Variants in CHD1 observed in about 807,000 individuals in gnomAD.
CHD1 encodes the protein ATP-dependent chromatin remodeler CHD1.
In CHD1, 36 loss-of-function variants were observed where a neutral mutation model predicts 224.2. The ratio of observed to expected loss-of-function variants is 0.16; its 90% confidence interval spans 0.12 to 0.21. CHD1 has a LOEUF of 0.21. Ranked by LOEUF, CHD1 falls within the 10% of genes least tolerant of loss-of-function variation. The pLI, the probability that CHD1 is intolerant of heterozygous loss-of-function variation, is 1.00. For missense variants in CHD1, 1,378 were observed against 1,994.8 expected, an observed-to-expected ratio of 0.69 and a Z score of 5.89; for synonymous variants, 668 against 658.3, an observed-to-expected ratio of 1.01 and a Z score of -0.23.
intron 7 of CHD1, among the ~76,000 whole-genome samples, chr5:98,900,241 C>T (rs1751608747): frequency 6.8e-6 from 1 of 147,192 alleles, no homozygotes; most frequent in Non-Finnish European, 1.5e-5. Context: ...GAGACCGTGC[C>T]ACTGCACTCC....
Position 98,879,532 on chromosome 5 carries a change from C to A in CHD1, c.3237+20G>T. On this transcript the variant is annotated intron_variant, in intron 23 of 35. Coordinates refer to ENST00000614616, the MANE Select transcript of CHD1 (RefSeq NM_001270.4). ...GAATACTCTTACTTTATAGAAATAT[C>A]TTTAAAATTGCAAAATCACCTGTTT... 6.3e-7 allele frequency: 1 copy of A among 1,576,588 alleles called. No homozygotes were observed. The highest frequency in any genetic ancestry group is 8.6e-7 in the Non-Finnish European group (1 of 1,169,164).
chr5:98,865,687 C>T (rs767103125), intron 31 of CHD1, among the ~76,000 whole-genome samples: 3 of 152,096 alleles, frequency 2.0e-5, no homozygotes, highest in Non-Finnish European at 4.4e-5. Context: ...TAGAGAGTGA[C>T]GACCTAGAAA....
chr5:98,911,146 A>AAAATATATATATATAT (rs1491111295), intron 2 of CHD1, among the ~76,000 whole-genome samples: 2 of 39,124 alleles, frequency 5.1e-5, no homozygotes, highest in African/African-American at 2.4e-4. Context: ...AAAAAAAAAA[A>AAAATATATATATATAT]ATATATATAT....
chr5:98,870,104 A>G lies in CHD1; in HGVS notation c.3979-222T>C, dbSNP rs530083779. ...ATACTAGCCATTATTATTCCTTTAA[A>G]AAAAGGATCAGAGAGAAGTAGAAAC... On this transcript the variant is annotated intron_variant, in intron 29 of 35. Transcript: ENST00000614616. Among the ~76,000 whole-genome samples the G allele has an allele frequency of 1.1e-4, 17 of 152,326 alleles. No individual in the cohort carries two copies. The East Asian group carries it at 1.7e-3, about 16-fold the overall frequency.
In CHD1 at chr5:98,869,738, T is replaced by C. The variant is rs571383176; in HGVS notation, c.4107+16A>G. 1 of 1,612,144 alleles carries C rather than the reference T, an allele frequency of 6.2e-7. No homozygotes were observed. Among genetic ancestry groups the C allele is most frequent in the East Asian group, 2.2e-5 (1 of 44,808 alleles). On this transcript the variant is annotated intron_variant, in intron 30 of 35. Coordinates refer to ENST00000614616, the MANE Select transcript of CHD1 (RefSeq NM_001270.4). ...CTTTCCATAGAAAAGGTTGTTGTTC[T>C]AAAACACATTCTTACTTTATCATCA...
chr5:98,864,545 A>T (rs1748717446), intron 31 of CHD1, among the ~76,000 whole-genome samples: 2 of 143,346 alleles, frequency 1.4e-5, no homozygotes, highest in Admixed American at 7.0e-5. Context: ...AAAAAAAAAA[A>T]TTAGCCAAGC....
intron 2 of CHD1, among the ~76,000 whole-genome samples, chr5:98,913,922 AGTT>A (rs1375437136): frequency 1.3e-5 from 2 of 151,782 alleles, no homozygotes; most frequent in African/African-American, 2.4e-5. Flanking sequence ...TGAGAGTAGT[AGTT>A]TTTTTTTTAA....
intron 2 of CHD1, among the ~76,000 whole-genome samples, chr5:98,911,734 A>G (rs1752436851): frequency 6.6e-6 from 1 of 152,222 alleles, no homozygotes; most frequent in Non-Finnish European, 1.5e-5. Flanking sequence ...GGATCTAATG[A>G]TAAGTGAATA....
intron 33 of CHD1, among the ~76,000 whole-genome samples, chr5:98,859,561 C>CTGATA (rs1281089402): frequency 6.6e-6 from 1 of 152,102 alleles, no homozygotes; most frequent in East Asian, 1.9e-4. Context: ...TAGGGCTTGT[C>CTGATA]TGATATTTTC....
At chr5:98,926,846 G>C (rs1029971231) in intron 1 of CHD1, among the ~76,000 whole-genome samples, 1 of 139,398 alleles carries the variant, frequency 7.2e-6, no homozygotes, top group Non-Finnish European at 1.5e-5. Flanking sequence ...AAGGTGATAC[G>C]ATGTAACATA....
rs193273323 is a variant in CHD1 at position 98,894,512 on chromosome 5, G to A, written c.1800+85C>T. ...TATAGCTTGCTGACTCACGATTTAG[G>A]CTATTCTCTCATCTTGTCCACAGCA... is the stretch of plus-strand genomic sequence containing the variant. On this transcript the variant is annotated intron_variant, in intron 13 of 35. Transcript: ENST00000614616. 3.3e-4 allele frequency: 152 copies of A among 458,512 alleles called. 2 individuals carry two copies. The highest frequency in any genetic ancestry group is 2.8e-3 in the Middle Eastern group (9 of 3,202). The allele number at this position is 458,512 out of a possible 1,614,324, so 28.4% of individuals were successfully genotyped here. A position where few individuals can be genotyped will look rare whatever the true frequency, so the allele number is the denominator to read the frequency against.
chr5:98,898,596 A>G (rs1482935364), intron 9 of CHD1, 68 bp downstream of exon 9: 1 of 1,269,648 alleles, frequency 7.9e-7, no homozygotes. Context: ...TAAGTGGCAA[A>G]CTTATGACTT....
chr5:98,908,165 A>G (rs987470968), intron 2 of CHD1, among the ~76,000 whole-genome samples: 5 of 152,120 alleles, frequency 3.3e-5, no homozygotes, highest in African/African-American at 1.2e-4. Context: ...TTAAATCCCT[A>G]AGTTCAAGCT....
chr5:98,918,358 C>A (rs938554820), intron 2 of CHD1, among the ~76,000 whole-genome samples: 2 of 151,460 alleles, frequency 1.3e-5, no homozygotes, highest in Non-Finnish European at 2.9e-5. Flanking sequence ...CCGCGCCTGG[C>A]CAAAAACTTT....
In CHD1 at chr5:98,873,707, G is replaced by C. The variant is rs1476091482; in HGVS notation, c.3457C>G (p.Arg1153Gly). Residue 1153 changes from arginine to glycine, a missense_variant, in exon 26 of 36, where the codon CGA becomes GGA. Physicochemically the swap from Arg to Gly is moderately radical, Grantham distance 125. This residue lies in a region of CHD1 where 286 missense variants were observed against 445.1 expected (regional missense o/e 0.64). Transcript: ENST00000614616. ...GPLERLDAIA[R>G]DAELVDKSET... ...GACTTATCAACTAACTCAGCATCTC[G>C]AGCAATTGCATCTAATCTGTAACAA... The C allele has an allele frequency of 6.2e-7, 1 of 1,608,110 alleles. No individual in the cohort carries two copies. Among genetic ancestry groups the C allele is most frequent in the Admixed American group, 1.7e-5 (1 of 58,692 alleles).
At chr5:98,876,107 TCAAA>T (rs1228802841) in intron 24 of CHD1, among the ~76,000 whole-genome samples, 1 of 152,150 alleles carries the variant, frequency 6.6e-6, no homozygotes, top group Admixed American at 6.5e-5. Context: ...ATCAAATGCA[TCAAA>T]ACTACTTTTA....
At chr5:98,866,734 T>C (rs971661330) in intron 31 of CHD1, among the ~76,000 whole-genome samples, 7 of 152,192 alleles carry the variant, frequency 4.6e-5, no homozygotes, top group African/African-American at 1.7e-4. Flanking sequence ...TAACTATATA[T>C]AAACATGACA....
intron 18 of CHD1, 38 bp from the exon 19 acceptor site, chr5:98,883,275 A>C: frequency 6.8e-7 from 1 of 1,470,570 alleles, no homozygotes; most frequent in Non-Finnish European, 9.2e-7. Flanking sequence ...AAAATTTTTC[A>C]ATTGATTTTC....
At chr5:98,881,900 TA>T in intron 20 of CHD1, 74 bp downstream of exon 20, 1 of 1,266,300 alleles carries the variant, frequency 7.9e-7, no homozygotes, top group Non-Finnish European at 1.1e-6. Context: ...CTCAATGATC[TA>T]CAGTGATGTA....
Sources: allele counts gnomAD v4.1 joint callset (sites outside exome capture counted in the v4.1 genomes callset), GRCh38; gene constraint gnomAD v4.1.1; regional missense constraint gnomAD v4.1.1; transcripts MANE v1.5; gene names NCBI Gene and HGNC (gene_info 2026-07-23, HGNC 2026-07-21).